Variants in GRID2 observed in about 807,000 individuals in gnomAD.
GRID2 encodes the protein glutamate receptor ionotropic, delta-2.
Under a neutral mutation model 114.8 loss-of-function variants are expected in GRID2, and 33 were observed. The ratio of observed to expected loss-of-function variants is 0.29; its 90% CI spans 0.22 to 0.38. The LOEUF (loss-of-function observed/expected upper bound fraction) is 0.38. Among genes scored for constraint, GRID2 ranks in the 10% least tolerant of loss-of-function variants. The pLI is 1.00. For synonymous variants in GRID2, 505 were observed against 449.9 expected (o/e 1.12, Z -1.55); for missense variants, 1,184 against 1,257.7 (o/e 0.94, Z 0.89).
chr4:92,461,161 T>C (rs1442948491), intron 1 of GRID2, among the ~76,000 whole-genome samples: 1 of 151,888 alleles, frequency 6.6e-6, no homozygotes, highest in Non-Finnish European at 1.5e-5. Flanking sequence ...AGTAAAATAT[T>C]TTATCAGGTA....
intron 1 of GRID2, among the ~76,000 whole-genome samples, chr4:93,794,027 A>C (rs1374255392): frequency 2.0e-5 from 3 of 150,740 alleles, no homozygotes; most frequent in African/African-American, 7.3e-5. Flanking sequence ...CATCTGCAGA[A>C]AAAAAAAAAG....
chr4:92,443,290 C>T (rs1733222980), intron 1 of GRID2, among the ~76,000 whole-genome samples: 1 of 152,148 alleles, frequency 6.6e-6, no homozygotes, highest in South Asian at 2.1e-4. Context: ...CTATTTGGAA[C>T]TACTGTGGAG....
chr4:93,796,401 G>A (rs545903970), intron 1 of GRID2, among the ~76,000 whole-genome samples: 62 of 152,256 alleles, frequency 4.1e-4, no homozygotes, highest in African/African-American at 1.4e-3. Context: ...TAGTGAAATG[G>A]TTGCAAAGGA....
At chr4:93,566,745 G>A (rs999307089) in intron 13 of GRID2, among the ~76,000 whole-genome samples, 6 of 151,918 alleles carry the variant, frequency 3.9e-5, no homozygotes, top group Non-Finnish European at 8.8e-5. Context: ...CCTCCAGCCT[G>A]AGTGACAGTG....
chr4:92,627,064 G>A (rs1730557754), intron 2 of GRID2, among the ~76,000 whole-genome samples: 1 of 152,068 alleles, frequency 6.6e-6, no homozygotes, highest in Admixed American at 6.6e-5. Flanking sequence ...GAGAACCATA[G>A]TGATCAGAAG....
intron 1 of GRID2, among the ~76,000 whole-genome samples, chr4:92,310,683 G>A (rs1270309266): frequency 1.3e-5 from 2 of 151,898 alleles, no homozygotes. Flanking sequence ...TGAATACATT[G>A]GAAAGTTATT....
At chr4:92,481,981 GAT>G (rs35103752) in intron 1 of GRID2, among the ~76,000 whole-genome samples, 1,141 of 46,312 alleles carry the variant, frequency 0.025, 11 homozygotes, top group Non-Finnish European at 0.031. Flanking sequence ...AATAAAATGT[GAT>G]ATATATATAT....
intron 9 of GRID2, among the ~76,000 whole-genome samples, chr4:93,408,847 C>T (rs987518076): frequency 6.6e-6 from 1 of 152,034 alleles, no homozygotes; most frequent in African/African-American, 2.4e-5. Flanking sequence ...TGCAGGAGAT[C>T]TTTTCTTTTA....
chr4:92,366,944 A>T (rs1728899119), intron 1 of GRID2, among the ~76,000 whole-genome samples: 1 of 152,070 alleles, frequency 6.6e-6, no homozygotes, highest in African/African-American at 2.4e-5. Flanking sequence ...TCTTTTATAG[A>T]AAAGTAAATA....
intron 1 of GRID2, among the ~76,000 whole-genome samples, chr4:92,580,908 A>T (rs192984477): frequency 6.2e-4 from 92 of 147,730 alleles, no homozygotes; most frequent in African/African-American, 2.2e-3. Flanking sequence ...TTTTTTTTAA[A>T]TGCATCAGGT....
chr4:92,948,462 T>A (rs2149130212), intron 2 of GRID2, among the ~76,000 whole-genome samples: 1 of 152,046 alleles, frequency 6.6e-6, no homozygotes, highest in East Asian at 1.9e-4. Flanking sequence ...TTGTTATAGT[T>A]ACTTTTAGTA....
chr4:92,824,538 A>G (rs1741553579), intron 2 of GRID2, among the ~76,000 whole-genome samples: 1 of 152,038 alleles, frequency 6.6e-6, no homozygotes, highest in Non-Finnish European at 1.5e-5. Flanking sequence ...AACTTTTATT[A>G]TTTATTTCAA....
chr4:93,057,574 G>A (rs997392509), intron 2 of GRID2, among the ~76,000 whole-genome samples: 2 of 151,796 alleles, frequency 1.3e-5, no homozygotes, highest in African/African-American at 2.4e-5. Flanking sequence ...ACATCTCTAC[G>A]TATGCGTTAT....
intron 4 of GRID2, among the ~76,000 whole-genome samples, chr4:93,122,494 A>G (rs1284832552): frequency 6.6e-6 from 1 of 152,136 alleles, no homozygotes; most frequent in Non-Finnish European, 1.5e-5. Flanking sequence ...AAGAAAAGGA[A>G]AGGTTATACT....
At chr4:93,033,787 C>A (rs1259732743) in intron 2 of GRID2, among the ~76,000 whole-genome samples, 1 of 152,100 alleles carries the variant, frequency 6.6e-6, no homozygotes, top group Non-Finnish European at 1.5e-5. Flanking sequence ...TTGAAAGATG[C>A]AGCTCTATGA....
At chr4:92,731,918 G>A (rs778876289) in intron 2 of GRID2, among the ~76,000 whole-genome samples, 1 of 151,950 alleles carries the variant, frequency 6.6e-6, no homozygotes, top group Non-Finnish European at 1.5e-5. Flanking sequence ...GGCATGGGTA[G>A]TAGTGGAATT....
At chr4:92,825,746 C>T (rs1398225303) in intron 2 of GRID2, among the ~76,000 whole-genome samples, 1 of 152,062 alleles carries the variant, frequency 6.6e-6, no homozygotes, top group African/African-American at 2.4e-5. Context: ...TGCAAGGAGC[C>T]AAGGCAGCCC....
chr4:93,005,980 A>G (rs1462300785), intron 2 of GRID2, among the ~76,000 whole-genome samples: 1 of 152,028 alleles, frequency 6.6e-6, no homozygotes, highest in African/African-American at 2.4e-5. Context: ...AACTTAGTTT[A>G]TTTATGATTG....
chr4:92,745,661 T>C (rs1260843916), intron 2 of GRID2, among the ~76,000 whole-genome samples: 3 of 152,170 alleles, frequency 2.0e-5, no homozygotes, highest in Non-Finnish European at 4.4e-5. Flanking sequence ...GTACTTGCTA[T>C]TGAGTTCTCC....
Sources: gnomAD v4.1 joint callset for allele counts (sites outside exome capture counted in the v4.1 genomes callset) on GRCh38, gnomAD v4.1.1 for gene constraint, MANE v1.5 for transcripts, NCBI Gene and HGNC (gene_info 2026-07-23, HGNC 2026-07-21) for gene names.